Variants in NRXN1 observed in about 807,000 individuals in gnomAD.
The protein encoded by NRXN1 is neurexin-1.
Under a neutral mutation model 150.9 loss-of-function variants are expected in NRXN1, and 39 were observed. The observed-to-expected ratio is 0.26, with a 90% CI of 0.20 to 0.34. The LOEUF (loss-of-function observed/expected upper bound fraction) is 0.34, where lower values mean the gene tolerates loss of function less well. Ranked by LOEUF, NRXN1 falls within the 10% of genes least tolerant of loss-of-function variation. The pLI is 1.00. For synonymous variants in NRXN1, 924 were observed against 757.0 expected (o/e 1.22, Z -3.62); for missense variants, 1,815 against 1,949.9 (o/e 0.93, Z 1.30).
rs2091719316 is a variant in NRXN1 at position 50,497,706 on chromosome 2, C to T, written c.2506G>A (p.Ala836Thr). 1.2e-6 allele frequency: 2 copies of T among 1,606,774 alleles called. No individual in the cohort carries two copies. The highest frequency in any genetic ancestry group is 1.7e-6 in the Non-Finnish European group (2 of 1,175,354). Residue 836 changes from alanine to threonine, a missense_variant, in exon 14 of 23, where the codon GCA becomes ACA. By Grantham distance (58) the Ala-to-Thr change is moderately conservative. Around this residue, in one of 6 missense-constraint regions of NRXN1, gnomAD observed 638 missense variants for 652.6 expected, o/e 0.98. Coordinates refer to ENST00000401669, the MANE Select transcript of NRXN1 (RefSeq NM_001330078.2). ...AACTCCAGCCTAGTATGATCACCTG[C>T]CATTTGACCTAAAAGAGAAGATAAT... is the stretch of plus-strand genomic sequence containing the variant. ...DDQQAMTGQM[A>T]GDHTRLEFHN...
chr2:50,447,033 A>G (rs955507453), intron 17 of NRXN1, among the ~76,000 whole-genome samples: 1 of 152,152 alleles, frequency 6.6e-6, no homozygotes, highest in Non-Finnish European at 1.5e-5. Context: ...GCTACATTTT[A>G]GATCTCTCTA....
At chr2:50,460,062 G>A (rs2088007955) in intron 17 of NRXN1, among the ~76,000 whole-genome samples, 1 of 152,112 alleles carries the variant, frequency 6.6e-6, no homozygotes, top group Non-Finnish European at 1.5e-5. Flanking sequence ...CTTTCCTTGA[G>A]AATAGTTAGT....
intron 17 of NRXN1, among the ~76,000 whole-genome samples, chr2:50,311,526 A>C (rs1434387183): frequency 6.6e-6 from 1 of 152,086 alleles, no homozygotes; most frequent in Non-Finnish European, 1.5e-5. Context: ...TCTAGACAGC[A>C]ACTTGTGTAC....
chr2:50,269,179 G>T (rs1473378551), intron 17 of NRXN1, among the ~76,000 whole-genome samples: 1 of 152,074 alleles, frequency 6.6e-6, no homozygotes, highest in Non-Finnish European at 1.5e-5. Flanking sequence ...CTCAGCATAT[G>T]GTAGGCAATT....
intron 12 of NRXN1, among the ~76,000 whole-genome samples, chr2:50,511,323 G>C (rs1029880568): frequency 2.0e-5 from 3 of 152,118 alleles, no homozygotes; most frequent in Admixed American, 6.5e-5. Context: ...CCAAAGTGCT[G>C]GAATTACAGG....
At chr2:50,664,620 A>G (rs947083873) in intron 5 of NRXN1, among the ~76,000 whole-genome samples, 1 of 151,906 alleles carries the variant, frequency 6.6e-6, no homozygotes, top group Non-Finnish European at 1.5e-5. Context: ...TTTGGGTTAC[A>G]CAATGTCCTT....
chr2:50,323,977 G>C (rs2076216859), intron 17 of NRXN1, among the ~76,000 whole-genome samples: 1 of 152,192 alleles, frequency 6.6e-6, no homozygotes, highest in African/African-American at 2.4e-5. Context: ...GAGGTAGGTA[G>C]CAGATAGGGA....
At chr2:50,343,771 G>T (rs1385121792) in intron 17 of NRXN1, among the ~76,000 whole-genome samples, 8 of 152,068 alleles carry the variant, frequency 5.3e-5, no homozygotes, top group African/African-American at 1.9e-4. Context: ...AAAACATAGG[G>T]GACTCAATTT....
intron 5 of NRXN1, among the ~76,000 whole-genome samples, chr2:50,797,353 G>A (rs1706979249): frequency 6.6e-6 from 1 of 151,956 alleles, no homozygotes; most frequent in African/African-American, 2.4e-5. Context: ...TTGCTCCCCA[G>A]GAGACATTTG....
intron 17 of NRXN1, among the ~76,000 whole-genome samples, chr2:50,303,359 A>C (rs2074336024): frequency 6.6e-6 from 1 of 152,208 alleles, no homozygotes; most frequent in South Asian, 2.1e-4. Context: ...CTATGCTCTC[A>C]ATATCAAGAC....
intron 17 of NRXN1, among the ~76,000 whole-genome samples, chr2:50,306,597 A>T (rs192493592): frequency 6.6e-6 from 1 of 152,336 alleles, no homozygotes; most frequent in East Asian, 1.9e-4. Context: ...ATTTCTCAGT[A>T]AGTACTTTCC....
intron 21 of NRXN1, among the ~76,000 whole-genome samples, chr2:50,000,127 A>G (rs1332450176): frequency 6.6e-6 from 1 of 152,178 alleles, no homozygotes; most frequent in Non-Finnish European, 1.5e-5. Context: ...TTGTATCCTG[A>G]TATGATGAAC....
chr2:50,141,575 C>A (rs2152760526), intron 18 of NRXN1, among the ~76,000 whole-genome samples: 1 of 152,006 alleles, frequency 6.6e-6, no homozygotes, highest in Middle Eastern at 3.4e-3. Context: ...GGACTAATAT[C>A]CAGAATAAAC....
chr2:50,586,254 C>T (rs896014650), intron 8 of NRXN1, among the ~76,000 whole-genome samples: 3 of 152,168 alleles, frequency 2.0e-5, no homozygotes, highest in Admixed American at 2.0e-4. Context: ...CAAGTTTTTG[C>T]TCACATGCCA....
intron 5 of NRXN1, among the ~76,000 whole-genome samples, chr2:50,776,787 C>G (rs927316422): frequency 2.0e-5 from 3 of 151,936 alleles, no homozygotes; most frequent in African/African-American, 7.2e-5. Flanking sequence ...CCAGGCTACA[C>G]TTAGTTAAAA....
chr2:50,923,683 G>A (rs776810289), intron 3 of NRXN1, among the ~76,000 whole-genome samples: 3 of 151,542 alleles, frequency 2.0e-5, no homozygotes, highest in South Asian at 2.1e-4. Flanking sequence ...TCTACAATAC[G>A]GGAAAATGTT....
chr2:49,995,880 A>G (rs1048199214), intron 21 of NRXN1, among the ~76,000 whole-genome samples: 84 of 123,200 alleles, frequency 6.8e-4, no homozygotes, highest in Admixed American at 1.2e-3. Flanking sequence ...AAAAAAAAAA[A>G]AAAGAAAAAA....
In NRXN1 at chr2:49,978,551, C is replaced by T. The variant is rs1188450200; in HGVS notation, c.4129-34760G>A. Among the ~76,000 whole-genome samples the T allele has an allele frequency of 3.3e-5, 5 of 152,222 alleles. No homozygotes were observed. In the East Asian group the frequency reaches 9.7e-4, roughly 29 times the overall value. The stretch of plus-strand genomic sequence containing the variant: ...GGTGTTCAGGGTTAGTGCAGCAAGG[C>T]TCAAAGACAGAGCCAGCTGGAGGAC... On this transcript the variant is annotated intron_variant, in intron 21 of 22. Transcript: ENST00000401669.
chr2:50,328,597 A>G (rs1278040993), intron 17 of NRXN1, among the ~76,000 whole-genome samples: 1 of 152,034 alleles, frequency 6.6e-6, no homozygotes, highest in Non-Finnish European at 1.5e-5. Flanking sequence ...AATAGCTGGC[A>G]TAGTGGTGGG....
Sources: allele counts gnomAD v4.1 joint callset (sites outside exome capture counted in the v4.1 genomes callset), GRCh38; gene constraint gnomAD v4.1.1; regional missense constraint gnomAD v4.1.1; transcripts MANE v1.5; gene names NCBI Gene and HGNC (gene_info 2026-07-23, HGNC 2026-07-21).